DOCK11: variants seen among roughly 807,000 people sequenced by gnomAD.
DOCK11 encodes dedicator of cytokinesis protein 11.
Under a neutral mutation model 169.1 loss-of-function variants are expected in DOCK11, and 70 were observed. The observed-to-expected ratio is 0.41, with a 90% confidence interval of 0.34 to 0.51. DOCK11 has a LOEUF of 0.51. Ranked by LOEUF, DOCK11 falls within the 20% of genes least tolerant of loss-of-function variation. The probability of loss-of-function intolerance (pLI) is 0.10; values close to 1 mark genes in which losing one functional copy is unlikely to be tolerated. For synonymous variants in DOCK11, 529 were observed against 541.3 expected, an observed-to-expected ratio of 0.98 and a Z score of 0.32; for missense variants, 1,166 against 1,538.8, an observed-to-expected ratio of 0.76 and a Z score of 4.05.
chrX:118,545,271 C>CTT (rs55694052), intron 4 of DOCK11, 52 bp from the exon 5 acceptor site: 18 of 731,725 alleles, frequency 2.5e-5, no homozygotes, highest in East Asian at 4.1e-5. Context: ...TGTTGTTTTT[C>CTT]TTTTTTTTTT....
At chrX:118,589,627 T>C (rs955236936) in intron 18 of DOCK11, among the ~76,000 whole-genome samples, 3 of 111,917 alleles carry the variant, frequency 2.7e-5, no homozygotes, top group African/African-American at 9.7e-5. Flanking sequence ...TTACATTTAT[T>C]TTATTGGTAT....
intron 1 of DOCK11, among the ~76,000 whole-genome samples, chrX:118,527,223 G>T (rs2011397583): frequency 8.9e-6 from 1 of 112,397 alleles, no homozygotes; most frequent in South Asian, 3.6e-4. Flanking sequence ...TGGTTTTATT[G>T]TGTCTCTCCA....
intron 28 of DOCK11, among the ~76,000 whole-genome samples, chrX:118,611,823 C>T (rs1569429708): frequency 9.0e-6 from 1 of 111,027 alleles, no homozygotes; most frequent in East Asian, 2.8e-4. Context: ...GGTGCGATCT[C>T]AGCTCACTGC....
intron 34 of DOCK11, 100 bp downstream of exon 34, chrX:118,628,372 C>T: frequency 2.0e-6 from 1 of 487,902 alleles, no homozygotes; most frequent in South Asian, 4.8e-5. Context: ...TGTAGTCCAT[C>T]CTGGCTCTGC....
chrX:118,682,818 C>T lies in DOCK11; in HGVS notation c.5964-261C>T, dbSNP rs140862814. 5.4e-5 allele frequency among the ~76,000 whole-genome samples: 6 copies of T among 111,804 alleles called. No individual in the cohort carries two copies. In the East Asian group the frequency reaches 1.7e-3, roughly 31 times the overall value. ...ATAGAATGCCAAGGAAATGATTGAG[C>T]AAGTAGGCTTTCCAGAGGGTATGTG... is the stretch of plus-strand genomic sequence containing the variant. On this transcript the variant is annotated intron_variant, in intron 51 of 52. Transcript: ENST00000276202.
chrX:118,543,016 G>T lies in DOCK11; in HGVS notation c.309+1G>T, dbSNP rs776254361. 1 of 1,192,267 alleles carries T rather than the reference G, an allele frequency of 8.4e-7. No individual in the cohort carries two copies. Among genetic ancestry groups the T allele is most frequent in the Non-Finnish European group, 1.1e-6 (1 of 879,970 alleles). On this transcript the variant is annotated splice_donor_variant, in intron 3 of 52. Transcript: ENST00000276202. LOFTEE classifies it high-confidence loss of function. The stretch of plus-strand genomic sequence containing the variant: ...GGCCCAGAGTTTATTTGTTAAAGAG[G>T]TAAGAGGCTCAAAGGCCACAGAAGA...
At position 118,676,062 on chromosome X, in the gene DOCK11, G is replaced by A. The variant is rs748090780; in HGVS notation, c.5313+13G>A. 1.8e-5 allele frequency: 19 copies of A among 1,076,313 alleles called. No homozygotes were observed. The highest frequency in any genetic ancestry group is 2.6e-5 in the Admixed American group (1 of 38,024). 88.7% of individuals were successfully genotyped at this position (1,076,313 alleles called of 1,213,427 possible). A position where few individuals can be genotyped will look rare whatever the true frequency, so the allele number is the denominator to read the frequency against. On this transcript the variant is annotated intron_variant, in intron 47 of 52. Transcript: ENST00000276202. Reference sequence around the variant, plus strand: ...CTTTTATGGCCAAGTAAGTGTACTTGAATCCATAAAGTTTTCCTTTTTAAA... The same window carrying A: ...CTTTTATGGCCAAGTAAGTGTACTTAAATCCATAAAGTTTTCCTTTTTAAA...
At chrX:118,668,552 G>A (rs1202202367) in intron 45 of DOCK11, among the ~76,000 whole-genome samples, 1 of 111,116 alleles carries the variant, frequency 9.0e-6, no homozygotes, top group Non-Finnish European at 1.9e-5. Context: ...TTTTATTCAA[G>A]TAGCAACATT....
rs201675534 is a variant in DOCK11 at position 118,617,448 on chromosome X, C to T, written c.3293-1102C>T. On this transcript the variant is annotated intron_variant, in intron 30 of 52. Transcript: ENST00000276202. ...CAGAGGTTGCAGTGAGCCGAGATTG[C>T]GCCACTGCACTCCAGCCTGGGTGAC... Among the ~76,000 whole-genome samples the T allele has an allele frequency of 6.0e-4, 63 of 105,419 alleles. 1 individual carries two copies. The East Asian group carries it at 0.017, about 28-fold the overall frequency. The allele number at this position is 105,419 out of a possible 115,157, so 91.5% of individuals were successfully genotyped here.
At chrX:118,655,038 G>A in intron 44 of DOCK11, 77 bp downstream of exon 44, 1 of 945,487 alleles carries the variant, frequency 1.1e-6, no homozygotes, top group Non-Finnish European at 1.5e-6. Flanking sequence ...GTTTAGCTAT[G>A]AATATGATAT....
chrX:118,611,614 G>C (rs1269919162), intron 28 of DOCK11, among the ~76,000 whole-genome samples: 6 of 112,434 alleles, frequency 5.3e-5, no homozygotes, highest in Non-Finnish European at 9.4e-5. Flanking sequence ...TGATCAGTGA[G>C]GTTATTTTAT....
At chrX:118,647,961 A>T (rs867892980) in intron 40 of DOCK11, among the ~76,000 whole-genome samples, 25 of 47,003 alleles carry the variant, frequency 5.3e-4, no homozygotes, top group Admixed American at 2.8e-3. Flanking sequence ...AATAATATAT[A>T]ATATATAATT....
chrX:118,500,451 G>A (rs1289309569), intron 1 of DOCK11, among the ~76,000 whole-genome samples: 1 of 111,088 alleles, frequency 9.0e-6, no homozygotes, highest in Non-Finnish European at 1.9e-5. Context: ...AGGAAGCTCC[G>A]TAAATATTTT....
chrX:118,650,664 G>C (rs772877381), intron 41 of DOCK11, among the ~76,000 whole-genome samples: 2 of 111,790 alleles, frequency 1.8e-5, no homozygotes, highest in African/African-American at 6.5e-5. Flanking sequence ...ATGGCATTTG[G>C]AAACCCACCT....
chrX:118,540,187 A>T (rs1401303732), intron 1 of DOCK11, among the ~76,000 whole-genome samples: 1 of 111,217 alleles, frequency 9.0e-6, no homozygotes, highest in Admixed American at 9.6e-5. Flanking sequence ...TGACAGATTC[A>T]ACAGGTTAAA....
intron 35 of DOCK11, chrX:118,632,944 T>A (rs983294335): frequency 3.9e-4 from 14 of 36,146 alleles, no homozygotes; most frequent in African/African-American, 1.7e-3. Flanking sequence ...GTTGCTTCCT[T>A]AAGAGAGAAG....
At chrX:118,669,172 G>A (rs1415592084) in intron 45 of DOCK11, among the ~76,000 whole-genome samples, 2 of 111,245 alleles carry the variant, frequency 1.8e-5, no homozygotes, top group Non-Finnish European at 3.8e-5. Flanking sequence ...GAGGCAGGAA[G>A]ATAAATTAAG....
At chrX:118,532,360 C>G (rs1041221951) in intron 1 of DOCK11, among the ~76,000 whole-genome samples, 4 of 111,116 alleles carry the variant, frequency 3.6e-5, no homozygotes, top group Non-Finnish European at 7.5e-5. Flanking sequence ...TGAAGCTACA[C>G]GAGAGCAACT....
intron 14 of DOCK11, among the ~76,000 whole-genome samples, chrX:118,583,091 T>C (rs771241013): frequency 1.8e-5 from 2 of 112,062 alleles, no homozygotes; most frequent in Admixed American, 1.9e-4. Flanking sequence ...TGGAATACTA[T>C]GCAGCCATAA....
Sources: gnomAD v4.1 joint callset for allele counts (sites outside exome capture counted in the v4.1 genomes callset) on GRCh38, gnomAD v4.1.1 for gene constraint, MANE v1.5 for transcripts, NCBI Gene and HGNC (gene_info 2026-07-23, HGNC 2026-07-21) for gene names.